Variants in MYO1E observed in about 807,000 individuals in gnomAD.
MYO1E encodes unconventional myosin-Ie.
In MYO1E, 68 loss-of-function variants were observed where a neutral mutation model predicts 151.1. The observed-to-expected ratio is 0.45, with a 90% CI of 0.37 to 0.55. The LOEUF (loss-of-function observed/expected upper bound fraction) is 0.55, where lower values mean the gene tolerates loss of function less well. Ranked by LOEUF, MYO1E falls within the 20% of genes least tolerant of loss-of-function variation. MYO1E has a pLI of 0.00. For missense variants in MYO1E, 1,363 were observed against 1,389.3 expected (o/e 0.98, Z 0.30); for synonymous variants, 601 against 501.7 (o/e 1.20, Z -2.64).
chr15:59,247,357 A>C (rs1421077731), intron 4 of MYO1E, among the ~76,000 whole-genome samples: 2 of 152,224 alleles, frequency 1.3e-5, no homozygotes, highest in African/African-American at 4.8e-5. Flanking sequence ...GGGAAATTTG[A>C]GACCTAGAGA....
intron 13 of MYO1E, 62 bp from the exon 14 acceptor site, chr15:59,208,910 C>T: frequency 6.3e-7 from 1 of 1,595,756 alleles, no homozygotes; most frequent in South Asian, 1.1e-5. Flanking sequence ...CAATGCTTAT[C>T]AGGTCCTTTC....
At chr15:59,304,531 AT>A (rs1183631833) in intron 1 of MYO1E, among the ~76,000 whole-genome samples, 5 of 152,226 alleles carry the variant, frequency 3.3e-5, no homozygotes, top group Non-Finnish European at 7.3e-5. Context: ...TCTTCTAATT[AT>A]TTAGGTATGA....
chr15:59,160,860 T>TAA (rs1403972134), intron 24 of MYO1E, among the ~76,000 whole-genome samples: 1 of 152,112 alleles, frequency 6.6e-6, no homozygotes, highest in Non-Finnish European at 1.5e-5. Flanking sequence ...TACTGATACA[T>TAA]AAGTACTAAG....
intron 1 of MYO1E, among the ~76,000 whole-genome samples, chr15:59,348,119 TGGTCTAG>T (rs140101358): frequency 0.025 from 3,880 of 152,238 alleles, 119 homozygotes; most frequent in African/African-American, 0.065. Context: ...TGGAGGCCTC[TGGTCTAG>T]GGTCAATGCC....
At position 59,147,596 on chromosome 15, in the gene MYO1E, C is replaced by CAAAAAAAAA. The variant is rs748173480; in HGVS notation, c.3080+5985_3080+5993dup. Among the ~76,000 whole-genome samples the CAAAAAAAAA allele has an allele frequency of 5.5e-3, 365 of 65,772 alleles. 18 individuals are homozygous for CAAAAAAAAA. Among genetic ancestry groups the CAAAAAAAAA allele is most frequent in the Middle Eastern group, 0.026 (2 of 76 alleles). 43.1% of individuals were successfully genotyped at this position (65,772 alleles called of 152,430 possible). A position where few individuals can be genotyped will look rare whatever the true frequency, so the allele number is the denominator to read the frequency against. The stretch of plus-strand genomic sequence containing the variant: ...TGGGTGACAGAGTGAGACTCTGTCT[C>CAAAAAAAAA]AAAAAAAAAAAAAAAAAAACAATAC... On this transcript the variant is annotated intron_variant, in intron 26 of 27. Coordinates refer to ENST00000288235, the MANE Select transcript of MYO1E (RefSeq NM_004998.4).
At chr15:59,254,582 C>T (rs1272524176) in intron 4 of MYO1E, among the ~76,000 whole-genome samples, 2 of 152,170 alleles carry the variant, frequency 1.3e-5, no homozygotes, top group African/African-American at 4.8e-5. Context: ...TGGCCATATA[C>T]TGACAACAGT....
chr15:59,209,447 G>GGC (rs71425849), intron 13 of MYO1E, among the ~76,000 whole-genome samples: 45,638 of 151,754 alleles, frequency 0.3, 7,324 homozygotes, highest in East Asian at 0.57. Context: ...GGAGGCCGAG[G>GGC]GGGGTGGATC....
intron 23 of MYO1E, 75 bp downstream of exon 23, chr15:59,163,082 T>C: frequency 1.3e-6 from 2 of 1,547,238 alleles, no homozygotes; most frequent in Non-Finnish European, 1.8e-6. Context: ...TCCAGCCCCA[T>C]CCTGAATCGC....
rs138707387 is a variant in MYO1E, at chr15:59,322,295, T to A, written c.4-49846A>T. 1.6e-4 allele frequency among the ~76,000 whole-genome samples: 24 copies of A among 152,288 alleles called. No individual in the cohort carries two copies. The East Asian group carries it at 3.5e-3, about 22-fold the overall frequency. Reference sequence around the variant, plus strand: ...ACGCAATATACCCAAGTAACAAATCTGCACATGTACCCCTTGAATCTAAAG... The same window carrying A: ...ACGCAATATACCCAAGTAACAAATCAGCACATGTACCCCTTGAATCTAAAG... On this transcript the variant is annotated intron_variant, in intron 1 of 27. Transcript: ENST00000288235.
rs145305051 is a variant in MYO1E at position 59,229,860 on chromosome 15, A to G, written c.510+1842T>C. Among the ~76,000 whole-genome samples, 26 of 152,228 alleles carry G rather than the reference A, an allele frequency of 1.7e-4. No individual in the cohort carries two copies. The East Asian group carries it at 5.0e-3, about 29-fold the overall frequency. Reference sequence around the variant, plus strand: ...TACATACCTCTTAGTTACCTTTCATATAATGTGCACATTAAAAAAAAACAA... The same window carrying G: ...TACATACCTCTTAGTTACCTTTCATGTAATGTGCACATTAAAAAAAAACAA... On this transcript the variant is annotated intron_variant, in intron 6 of 27. Coordinates refer to ENST00000288235, the MANE Select transcript of MYO1E (RefSeq NM_004998.4).
rs55666135 is a variant in MYO1E at position 59,236,364 on chromosome 15, AT to A, written c.420+220del. ...CTGTCTCAAAAAAGAAAAAAAAAAAATATATACACACACACACACACACACA... is the reference window on the plus strand; with the variant it reads ...CTGTCTCAAAAAAGAAAAAAAAAAAAATATACACACACACACACACACACA... On this transcript the variant is annotated intron_variant, in intron 5 of 27. Transcript: ENST00000288235. Among the ~76,000 whole-genome samples the A allele has an allele frequency of 0.065, 3,129 of 48,362 alleles. 180 individuals are homozygous for A. Among genetic ancestry groups the A allele is most frequent in the South Asian group, 0.1 (115 of 1,132 alleles). The allele number at this position is 48,362 out of a possible 152,430, so 31.7% of individuals were successfully genotyped here.
At chr15:59,227,427 G>A in intron 7 of MYO1E, 32 bp downstream of exon 7, 2 of 1,613,490 alleles carry the variant, frequency 1.2e-6, no homozygotes, top group Non-Finnish European at 1.7e-6. Context: ...GAAGGGACAG[G>A]AAGTGGGTAG....
At chr15:59,162,659 GA>G (rs56116339) in intron 23 of MYO1E, among the ~76,000 whole-genome samples, 46,226 of 120,776 alleles carry the variant, frequency 0.38, 7,763 homozygotes, top group Non-Finnish European at 0.45. Context: ...AAAAAAAAAA[GA>G]AAAAAAAAAA....
chr15:59,176,282 G>A (rs2079624318), intron 19 of MYO1E, among the ~76,000 whole-genome samples: 1 of 152,048 alleles, frequency 6.6e-6, no homozygotes, highest in South Asian at 2.1e-4. Context: ...GGATGGTCTT[G>A]ATCTCCTGAC....
Position 59,205,462 on chromosome 15 carries a change from A to G in MYO1E, c.1554T>C (p.Phe518=). Residue 518 remains phenylalanine (F), a synonymous_variant, in exon 15 of 28, where the codon TTT becomes TTC. Transcript: ENST00000288235. ...AGKVSYDMDG[F]CERNRDVLFM... ...AAAGCACATCCCGGTTCCTTTCACA[A>G]AAGCCATCCATGTCATAGGATACCT... is the stretch of plus-strand genomic sequence containing the variant. The G allele has an allele frequency of 6.2e-7, 1 of 1,614,202 alleles. No homozygotes were observed. Among genetic ancestry groups the G allele is most frequent in the Non-Finnish European group, 8.5e-7 (1 of 1,180,012 alleles).
At chr15:59,242,133 C>G (rs537820380) in intron 4 of MYO1E, among the ~76,000 whole-genome samples, 85 of 152,288 alleles carry the variant, frequency 5.6e-4, no homozygotes, top group Non-Finnish European at 1.0e-3. Flanking sequence ...TCCATTTTCT[C>G]AAGGCAGCAT....
At chr15:59,211,531 A>G (rs1204727397) in intron 12 of MYO1E, among the ~76,000 whole-genome samples, 1 of 152,112 alleles carries the variant, frequency 6.6e-6, no homozygotes, top group African/African-American at 2.4e-5. Context: ...TCTCTAGTCT[A>G]TACCTCGCCA....
At chr15:59,250,237 C>T (rs1047749221) in intron 4 of MYO1E, among the ~76,000 whole-genome samples, 6 of 151,990 alleles carry the variant, frequency 3.9e-5, no homozygotes, top group East Asian at 1.9e-4. Flanking sequence ...TGATTTATGT[C>T]GGGGGCTTTG....
At chr15:59,189,205 A>G (rs1272992260) in intron 17 of MYO1E, among the ~76,000 whole-genome samples, 1 of 152,070 alleles carries the variant, frequency 6.6e-6, no homozygotes, top group East Asian at 1.9e-4. Context: ...GACTACAAGC[A>G]TGCACCACCA....
Sources: allele counts gnomAD v4.1 joint callset (sites outside exome capture counted in the v4.1 genomes callset), GRCh38; gene constraint gnomAD v4.1.1; transcripts MANE v1.5; gene names NCBI Gene and HGNC (gene_info 2026-07-23, HGNC 2026-07-21).